The following TNFRSF10C variants were observed in gnomAD, a reference collection of about 807,000 sequenced individuals.
The protein encoded by TNFRSF10C is tumor necrosis factor receptor superfamily member 10C.
In TNFRSF10C, 17 loss-of-function variants were observed where a neutral mutation model predicts 16.7. The ratio of observed to expected loss-of-function variants is 1.02; its 90% CI spans 0.70 to 1.53. The LOEUF is 1.53. TNFRSF10C is among the 40% of genes most tolerant of loss of function. The pLI is 0.00. For missense variants in TNFRSF10C, 237 were observed against 329.7 expected, an observed-to-expected ratio of 0.72 and a Z score of 2.18; for synonymous variants, 73 against 119.7, an observed-to-expected ratio of 0.61 and a Z score of 2.55.
At chr8:23,115,664 G>A (rs375537118) in intron 4 of TNFRSF10C, 48 bp downstream of exon 4, 37 of 1,494,014 alleles carry the variant, frequency 2.5e-5, no homozygotes, top group Middle Eastern at 3.5e-4. Flanking sequence ...AACCCGAGAA[G>A]ACCTGAGTCA....
In TNFRSF10C at chr8:23,108,081, T is replaced by A. The variant is rs578206717; in HGVS notation, c.61-3639T>A. ...GCCTCCTGAGAAGAAAGAACTGGTTTGAGGGGCATAAGGCAGAAGCAGAGA... is the reference window on the plus strand; with the variant it reads ...GCCTCCTGAGAAGAAAGAACTGGTTAGAGGGGCATAAGGCAGAAGCAGAGA... On this transcript the variant is annotated intron_variant, in intron 1 of 4. Transcript: ENST00000356864. Among the ~76,000 whole-genome samples, 3 of 152,176 alleles carry A rather than the reference T, an allele frequency of 2.0e-5. No individual in the cohort carries two copies. In the South Asian group the frequency reaches 6.2e-4, roughly 32 times the overall value.
chr8:23,110,348 C>T (rs1813858050), intron 1 of TNFRSF10C, among the ~76,000 whole-genome samples: 1 of 152,102 alleles, frequency 6.6e-6, no homozygotes, highest in African/African-American at 2.4e-5. Context: ...TTGAACTGAG[C>T]CCAACATAAG....
intron 4 of TNFRSF10C, 73 bp from the exon 5 acceptor site, chr8:23,116,568 G>A: frequency 6.5e-7 from 1 of 1,546,900 alleles, no homozygotes. Context: ...GGAGAGGGAG[G>A]GTGGCTCCCC....
At chr8:23,113,198 T>G (rs1813912034) in intron 2 of TNFRSF10C, among the ~76,000 whole-genome samples, 1 of 152,126 alleles carries the variant, frequency 6.6e-6, no homozygotes, top group African/African-American at 2.4e-5. Context: ...TATTTTGGAT[T>G]TTAACCAAAA....
chr8:23,104,756 G>A (rs1235123906), intron 1 of TNFRSF10C, among the ~76,000 whole-genome samples: 1 of 152,188 alleles, frequency 6.6e-6, no homozygotes, highest in Non-Finnish European at 1.5e-5. Context: ...ACATCACATT[G>A]CTATGTATTT....
At chr8:23,116,505 GA>G in intron 4 of TNFRSF10C, 135 bp from the exon 5 acceptor site, 3 of 1,256,946 alleles carry the variant, frequency 2.4e-6, no homozygotes, top group Non-Finnish European at 3.2e-6. Flanking sequence ...GAACTTGGGG[GA>G]CCCCCTCCAG....
At chr8:23,103,405 C>G (rs1348506768) in intron 1 of TNFRSF10C, 4 of 743,524 alleles carry the variant, frequency 5.4e-6, no homozygotes, top group Non-Finnish European at 8.7e-6. Flanking sequence ...CTGGCTGCCC[C>G]GAGCCCGCGA....
At chr8:23,114,171 C>T (rs896563553) in intron 2 of TNFRSF10C, among the ~76,000 whole-genome samples, 12 of 152,040 alleles carry the variant, frequency 7.9e-5, no homozygotes, top group Middle Eastern at 3.4e-3. Context: ...CCCCAGGTTT[C>T]GGGGGCTTGG....
chr8:23,115,452 A>G, intron 3 of TNFRSF10C, 56 bp from the exon 4 acceptor site: 1 of 1,484,976 alleles, frequency 6.7e-7, no homozygotes, highest in Non-Finnish European at 9.3e-7. Context: ...GTGGTAAGGA[A>G]GATCGAGGGA....
rs1434793544 is a variant in TNFRSF10C, at chr8:23,117,318, G to A, written c.*287G>A. ...TCTCCCAGCCAAGTCCAAGAGGGCAGGGCCAGTTCCTCCCATCTTCAGGCC... is the reference window on the plus strand; with the variant it reads ...TCTCCCAGCCAAGTCCAAGAGGGCAAGGCCAGTTCCTCCCATCTTCAGGCC... On this transcript the variant is annotated 3_prime_UTR_variant, in exon 5 of 5. Transcript: ENST00000356864. 1.2e-5 allele frequency: 6 copies of A among 517,494 alleles called. No individual in the cohort carries two copies. The highest frequency in any genetic ancestry group is 1.4e-5 in the Non-Finnish European group (4 of 292,474). 32.1% of individuals were successfully genotyped at this position (517,494 alleles called of 1,614,324 possible). A position where few individuals can be genotyped will look rare whatever the true frequency, so the allele number is the denominator to read the frequency against.
chr8:23,116,061 G>A (rs905600788), intron 4 of TNFRSF10C, among the ~76,000 whole-genome samples: 5 of 152,024 alleles, frequency 3.3e-5, no homozygotes, highest in East Asian at 1.9e-4. Context: ...AAGTGGTCAC[G>A]GCCGACAAAA....
chr8:23,114,687 G>C lies in TNFRSF10C; in HGVS notation c.197G>C (p.Cys66Ser). ...CATAGATCAGAACATACTGGAGCCT[G>C]TAACCCGTGCACAGAGGGTGTGGAT... ...GSHRSEHTGA[C>S]NPCTEGVDYT... is the part of the protein sequence containing the mutation. The change falls in exon 3 of 5, where the codon TGT becomes TCT. Residue 66 changes from cysteine (C) to serine (S), a missense_variant. By Grantham distance (112) the Cys-to-Ser change is moderately radical. Transcript: ENST00000356864. The C allele has an allele frequency of 1.9e-6, 3 of 1,614,014 alleles. No individual in the cohort carries two copies. Among genetic ancestry groups the C allele is most frequent in the Non-Finnish European group, 2.5e-6 (3 of 1,179,930 alleles).
intron 1 of TNFRSF10C, among the ~76,000 whole-genome samples, chr8:23,106,426 C>T (rs988396231): frequency 1.4e-5 from 2 of 143,722 alleles, no homozygotes; most frequent in Non-Finnish European, 3.0e-5. Flanking sequence ...CCCCCCCACC[C>T]GATTTTTTTT....
At position 23,103,031 on chromosome 8, in the gene TNFRSF10C, G is replaced by A. The variant is rs1813692293; in HGVS notation, c.-91G>A. 1.3e-6 allele frequency: 2 copies of A among 1,562,994 alleles called. No homozygotes were observed. Among genetic ancestry groups the A allele is most frequent in the Non-Finnish European group, 1.7e-6 (2 of 1,153,606 alleles). On this transcript the variant is annotated 5_prime_UTR_variant, in exon 1 of 5. Transcript: ENST00000356864. ...AAGGGGTGAAGGAGCGCTTCCTACC[G>A]TTAGGGAACTCTGGGGACAGAGCGC...
In TNFRSF10C at chr8:23,111,825, G is replaced by C; in HGVS notation, c.166G>C (p.Gly56Arg). 1 of 1,612,068 alleles carries C rather than the reference G, an allele frequency of 6.2e-7. No individual in the cohort carries two copies. The highest frequency in any genetic ancestry group is 8.5e-7 in the Non-Finnish European group (1 of 1,179,650). Residue 56 changes from glycine to arginine, a missense_variant and splice_region_variant, in exon 2 of 5, where the codon GGA becomes CGA. Physicochemically the swap from Gly to Arg is moderately radical, Grantham distance 125. Around this residue, in one of 2 missense-constraint regions of TNFRSF10C, gnomAD observed 212 missense variants for 196.8 expected, o/e 1.08. Coordinates refer to ENST00000356864, the MANE Select transcript of TNFRSF10C (RefSeq NM_003841.5). ...CTTCAAGGGGGAGGAGTGTCCAGCA[G>C]GTGCACTCTTATTTTTAAAAATCAG... The part of the protein sequence containing the change: ...HSFKGEECPA[G>R]SHRSEHTGAC...
At chr8:23,109,535 G>T (rs28653731) in intron 1 of TNFRSF10C, among the ~76,000 whole-genome samples, 16,535 of 151,794 alleles carry the variant, frequency 0.11, 1,153 homozygotes, top group East Asian at 0.33. Context: ...TACTTGGGAG[G>T]CTGAGGCAGG....
At chr8:23,107,188 C>G (rs1004524804) in intron 1 of TNFRSF10C, among the ~76,000 whole-genome samples, 2 of 152,174 alleles carry the variant, frequency 1.3e-5, no homozygotes, top group Admixed American at 1.3e-4. Flanking sequence ...ACAACAACAA[C>G]AAAAAACCAA....
chr8:23,114,656 G>A lies in TNFRSF10C; in HGVS notation c.167-1G>A, dbSNP rs1258096446. The A allele has an allele frequency of 1.2e-6, 2 of 1,612,024 alleles. No individual in the cohort carries two copies. Among genetic ancestry groups the A allele is most frequent in the Non-Finnish European group, 1.7e-6 (2 of 1,178,332 alleles). On this transcript the variant is annotated splice_acceptor_variant, in intron 2 of 4. Transcript: ENST00000356864. LOFTEE classifies it high-confidence loss of function. ...TCATTGGCTTTTCTCTTCCTTCCCAGGATCTCATAGATCAGAACATACTGG... is the reference window on the plus strand; with the variant it reads ...TCATTGGCTTTTCTCTTCCTTCCCAAGATCTCATAGATCAGAACATACTGG...
At position 23,117,237 on chromosome 8, in the gene TNFRSF10C, C is replaced by A; in HGVS notation, c.*206C>A. 3 of 760,508 alleles carry A rather than the reference C, an allele frequency of 3.9e-6. No individual in the cohort carries two copies. The highest frequency in any genetic ancestry group is 6.2e-6 in the Non-Finnish European group (3 of 483,038). The allele number at this position is 760,508 out of a possible 1,614,324, so 47.1% of individuals were successfully genotyped here. A position where few individuals can be genotyped will look rare whatever the true frequency, so the allele number is the denominator to read the frequency against. Reference sequence around the variant, plus strand: ...GATCGTCCCATCCCCACATCCCGTGCACCCCCCAGGACCCTGGTCTCATCA... The same window carrying A: ...GATCGTCCCATCCCCACATCCCGTGAACCCCCCAGGACCCTGGTCTCATCA... On this transcript the variant is annotated 3_prime_UTR_variant, in exon 5 of 5. Transcript: ENST00000356864.
Sources: gnomAD v4.1 joint callset for allele counts (sites outside exome capture counted in the v4.1 genomes callset) on GRCh38, gnomAD v4.1.1 for gene constraint, gnomAD v4.1.1 regional missense constraint, MANE v1.5 for transcripts, NCBI Gene and HGNC (gene_info 2026-07-23, HGNC 2026-07-21) for gene names.